The following LPP variants were observed in gnomAD, a reference collection of about 807,000 sequenced individuals.
LPP encodes the protein lipoma-preferred partner.
A neutral mutation model predicts 60.4 loss-of-function variants in LPP; 38 were observed. That is an observed-to-expected ratio of 0.63 (90% confidence interval 0.49 to 0.83). The LOEUF is 0.83. Ranked by LOEUF, LPP falls within the 40% of genes least tolerant of loss-of-function variation. The probability of loss-of-function intolerance (pLI) is 0.00; values close to 1 mark genes in which losing one functional copy is unlikely to be tolerated. For missense variants in LPP, 902 were observed against 783.6 expected, an observed-to-expected ratio of 1.15 and a Z score of -1.80; for synonymous variants, 328 against 290.8, an observed-to-expected ratio of 1.13 and a Z score of -1.30.
chr3:188,382,058 G>T (rs1380425863), intron 3 of LPP, among the ~76,000 whole-genome samples: 1 of 151,964 alleles, frequency 6.6e-6, no homozygotes, highest in Non-Finnish European at 1.5e-5. Flanking sequence ...AGTGTGGTGG[G>T]ATTACAGGCA....
At chr3:188,177,378 G>T (rs1723362090) in intron 1 of LPP, among the ~76,000 whole-genome samples, 1 of 152,150 alleles carries the variant, frequency 6.6e-6, no homozygotes, top group Non-Finnish European at 1.5e-5. Context: ...TTTTGGATTG[G>T]GGCCTTGAGG....
intron 7 of LPP, among the ~76,000 whole-genome samples, chr3:188,670,480 G>T (rs1856751293): frequency 6.7e-6 from 1 of 149,508 alleles, no homozygotes; most frequent in Non-Finnish European, 1.5e-5. Flanking sequence ...TATCACTCAA[G>T]CCAATAGTTT....
At chr3:188,346,758 T>C (rs1764509425) in intron 3 of LPP, among the ~76,000 whole-genome samples, 1 of 152,152 alleles carries the variant, frequency 6.6e-6, no homozygotes, top group Non-Finnish European at 1.5e-5. Flanking sequence ...CTGAAGGCCA[T>C]CCATGAGTTA....
chr3:188,507,471 A>T (rs983600668), intron 5 of LPP, among the ~76,000 whole-genome samples: 17 of 147,034 alleles, frequency 1.2e-4, no homozygotes, highest in Non-Finnish European at 9.1e-5. Flanking sequence ...AAATATGGGA[A>T]TTTTTTTTTT....
intron 5 of LPP, among the ~76,000 whole-genome samples, chr3:188,512,929 C>CA (rs1393512390): frequency 6.6e-6 from 1 of 152,098 alleles, no homozygotes; most frequent in Non-Finnish European, 1.5e-5. Flanking sequence ...AAATCAATAG[C>CA]AAAATTACCT....
intron 2 of LPP, among the ~76,000 whole-genome samples, chr3:188,310,194 G>T (rs1752938471): frequency 6.6e-6 from 1 of 151,280 alleles, no homozygotes; most frequent in African/African-American, 2.4e-5. Flanking sequence ...AGGATAGAGT[G>T]AGTTTTTGTT....
chr3:188,448,509 T>C (rs1467772549), intron 4 of LPP, among the ~76,000 whole-genome samples: 1 of 152,152 alleles, frequency 6.6e-6, no homozygotes, highest in Non-Finnish European at 1.5e-5. Flanking sequence ...TAAATAAATG[T>C]TAATTTATTC....
At chr3:188,621,444 A>G (rs933347571) in intron 7 of LPP, among the ~76,000 whole-genome samples, 2 of 152,052 alleles carry the variant, frequency 1.3e-5, no homozygotes, top group Non-Finnish European at 2.9e-5. Context: ...CCCTGCATCA[A>G]TTTGCTTAGG....
At chr3:188,531,022 A>C (rs1043663338) in intron 6 of LPP, among the ~76,000 whole-genome samples, 1 of 152,168 alleles carries the variant, frequency 6.6e-6, no homozygotes, top group African/African-American at 2.4e-5. Context: ...TCTAGTTTCT[A>C]GTACAGGGCT....
chr3:188,346,279 A>ATTTTTTTTTTTTT (rs1764353289), intron 3 of LPP, among the ~76,000 whole-genome samples: 3 of 31,986 alleles, frequency 9.4e-5, no homozygotes, highest in African/African-American at 6.0e-4. Flanking sequence ...TTTTTTTTTG[A>ATTTTTTTTTTTTT]GACGGAGTCT....
At chr3:188,336,998 C>T (rs1385748323) in intron 2 of LPP, among the ~76,000 whole-genome samples, 1 of 152,118 alleles carries the variant, frequency 6.6e-6, no homozygotes, top group African/African-American at 2.4e-5. Flanking sequence ...GGTGCGTGAC[C>T]GCTCTGAGTG....
chr3:188,339,028 A>G (rs192361623), intron 2 of LPP, among the ~76,000 whole-genome samples: 36 of 151,610 alleles, frequency 2.4e-4, no homozygotes, highest in African/African-American at 7.3e-4. Context: ...TCTTACCTTC[A>G]TTTACTCCAT....
intron 2 of LPP, among the ~76,000 whole-genome samples, chr3:188,311,104 G>C (rs573899524): frequency 6.6e-6 from 1 of 151,856 alleles, no homozygotes; most frequent in Non-Finnish European, 1.5e-5. Context: ...CTGATATGCC[G>C]TATTAAGTTG....
chr3:188,795,091 T>C (rs6444328), intron 9 of LPP, among the ~76,000 whole-genome samples: 105,853 of 152,028 alleles, frequency 0.7, 37,163 homozygotes, highest in East Asian at 0.91. Flanking sequence ...GCTGAGATCA[T>C]GCCACTGTAC....
At chr3:188,444,880 A>G (rs1202486343) in intron 4 of LPP, among the ~76,000 whole-genome samples, 2 of 152,146 alleles carry the variant, frequency 1.3e-5, no homozygotes, top group Non-Finnish European at 1.5e-5. Context: ...CAAAATATGG[A>G]AAAAAAACCT....
At chr3:188,792,717 C>T (rs1203781684) in intron 9 of LPP, among the ~76,000 whole-genome samples, 2 of 151,936 alleles carry the variant, frequency 1.3e-5, no homozygotes, top group South Asian at 2.1e-4. Context: ...TCTTTTTTCC[C>T]GCTCATTCAT....
chr3:188,685,215 A>G (rs997558751), intron 7 of LPP, among the ~76,000 whole-genome samples: 3 of 152,142 alleles, frequency 2.0e-5, no homozygotes, highest in Non-Finnish European at 2.9e-5. Flanking sequence ...GGAGTGAGAG[A>G]AGGAGGACAT....
intron 3 of LPP, among the ~76,000 whole-genome samples, chr3:188,381,974 A>C: frequency 6.6e-6 from 1 of 150,454 alleles, no homozygotes; most frequent in East Asian, 2.0e-4. Context: ...TTTTGTAGAG[A>C]CAGGGGTCTT....
At chr3:188,421,100 T>C (rs978024971) in intron 4 of LPP, among the ~76,000 whole-genome samples, 7 of 152,156 alleles carry the variant, frequency 4.6e-5, no homozygotes, top group African/African-American at 1.7e-4. Context: ...AGGTAAAAAG[T>C]AGTCCAGAGT....
Sources: gnomAD v4.1 joint callset for allele counts (sites outside exome capture counted in the v4.1 genomes callset) on GRCh38, gnomAD v4.1.1 for gene constraint, MANE v1.5 for transcripts, NCBI Gene and HGNC (gene_info 2026-07-23, HGNC 2026-07-21) for gene names.